The following CTNND2 variants were observed in gnomAD, a reference collection of about 807,000 sequenced individuals.
The protein encoded by CTNND2 is catenin delta 2, also known as catenin delta-2.
In CTNND2, 22 loss-of-function variants were observed where a neutral mutation model predicts 144.4. The observed-to-expected ratio is 0.15, with a 90% CI of 0.11 to 0.22. The LOEUF (loss-of-function observed/expected upper bound fraction) is 0.22, where lower values mean the gene tolerates loss of function less well. Ranked by LOEUF, CTNND2 falls within the 10% of genes least tolerant of loss-of-function variation. CTNND2 has a pLI of 1.00. For missense variants in CTNND2, 1,353 were observed against 1,618.8 expected (o/e 0.84, Z 2.82); for synonymous variants, 751 against 695.6 (o/e 1.08, Z -1.25).
At chr5:11,044,524 T>C (rs944210620) in intron 16 of CTNND2, among the ~76,000 whole-genome samples, 21 of 111,054 alleles carry the variant, frequency 1.9e-4, no homozygotes, top group Non-Finnish European at 3.7e-4. Flanking sequence ...AAACAACACA[T>C]GCTTGCAAAA....
chr5:11,216,057 C>CTGTT (rs1156553181), intron 10 of CTNND2, among the ~76,000 whole-genome samples: 8 of 152,158 alleles, frequency 5.3e-5, no homozygotes, highest in African/African-American at 1.9e-4. Flanking sequence ...GAATAATGCT[C>CTGTT]TGTTAAGTGG....
chr5:11,693,553 A>T (rs995724133), intron 2 of CTNND2, among the ~76,000 whole-genome samples: 5 of 152,246 alleles, frequency 3.3e-5, no homozygotes, highest in Non-Finnish European at 7.3e-5. Context: ...GCACACATAA[A>T]ATGCCTGGAA....
chr5:11,698,500 G>A (rs1463285355), intron 2 of CTNND2, among the ~76,000 whole-genome samples: 1 of 151,988 alleles, frequency 6.6e-6, no homozygotes, highest in African/African-American at 2.4e-5. Flanking sequence ...TGTTGGCCAG[G>A]ATGGTCTCGA....
intron 10 of CTNND2, among the ~76,000 whole-genome samples, chr5:11,224,802 A>G (rs1232319579): frequency 6.6e-6 from 1 of 152,138 alleles, no homozygotes; most frequent in Non-Finnish European, 1.5e-5. Flanking sequence ...TTTACTTCCT[A>G]ATTATGGATT....
At chr5:11,709,346 G>T (rs1785897857) in intron 2 of CTNND2, among the ~76,000 whole-genome samples, 1 of 152,130 alleles carries the variant, frequency 6.6e-6, no homozygotes, top group Non-Finnish European at 1.5e-5. Context: ...TTAACTCCAG[G>T]CCCAGCTACA....
chr5:11,058,191 C>T (rs760496091), intron 16 of CTNND2, among the ~76,000 whole-genome samples: 1 of 152,158 alleles, frequency 6.6e-6, no homozygotes, highest in Non-Finnish European at 1.5e-5. Context: ...AATGTTAATC[C>T]CCAAGACAAT....
chr5:11,671,059 T>G (rs974371250), intron 2 of CTNND2, among the ~76,000 whole-genome samples: 1 of 152,222 alleles, frequency 6.6e-6, no homozygotes, highest in African/African-American at 2.4e-5. Flanking sequence ...GCATATGAAA[T>G]TCTGGTTTGA....
chr5:11,583,373 A>C (rs78107603), intron 2 of CTNND2, among the ~76,000 whole-genome samples: 4,343 of 152,268 alleles, frequency 0.029, 198 homozygotes, highest in African/African-American at 0.095. Context: ...AACAGGCAGA[A>C]ATCTAGGAGG....
intron 15 of CTNND2, chr5:11,083,838 C>A: frequency 9.3e-7 from 1 of 1,070,072 alleles, no homozygotes; most frequent in Admixed American, 5.0e-5. Flanking sequence ...CACCTCCACC[C>A]CCCTTCCCCC....
intron 11 of CTNND2, among the ~76,000 whole-genome samples, chr5:11,183,484 C>A (rs1245268989): frequency 6.6e-6 from 1 of 151,922 alleles, no homozygotes; most frequent in Non-Finnish European, 1.5e-5. Flanking sequence ...CACTCTCCAG[C>A]TAGCGGGTAC....
At position 11,303,823 on chromosome 5, in the gene CTNND2, C is replaced by T. The variant is rs530709486; in HGVS notation, c.1628+42549G>A. Among the ~76,000 whole-genome samples the T allele has an allele frequency of 2.6e-5, 4 of 152,302 alleles. No homozygotes were observed. In the South Asian group the frequency reaches 8.3e-4, roughly 32 times the overall value. On this transcript the variant is annotated intron_variant, in intron 9 of 21. Coordinates refer to ENST00000304623, the MANE Select transcript of CTNND2 (RefSeq NM_001332.4). ...TTGATATGGTTTGGCTGTGTCCCCACCCAAATCTCATCTTGAATTGTAGCT... is the reference window on the plus strand; with the variant it reads ...TTGATATGGTTTGGCTGTGTCCCCATCCAAATCTCATCTTGAATTGTAGCT...
intron 1 of CTNND2, among the ~76,000 whole-genome samples, chr5:11,897,159 T>C (rs1737458923): frequency 6.6e-6 from 1 of 152,200 alleles, no homozygotes; most frequent in Non-Finnish European, 1.5e-5. Context: ...AGATGAGAGA[T>C]TGAACTGTGG....
intron 3 of CTNND2, among the ~76,000 whole-genome samples, chr5:11,512,428 CAA>C (rs1169270556): frequency 9.9e-5 from 15 of 152,226 alleles, no homozygotes; most frequent in African/African-American, 2.7e-4. Context: ...CAATTTCCCA[CAA>C]AGTGTCTTTG....
chr5:11,321,586 G>C (rs569586384), intron 9 of CTNND2, among the ~76,000 whole-genome samples: 1 of 152,304 alleles, frequency 6.6e-6, no homozygotes, highest in African/African-American at 2.4e-5. Context: ...TTAAAAATGT[G>C]AAGTAGGGAT....
intron 13 of CTNND2, among the ~76,000 whole-genome samples, chr5:11,111,713 A>G (rs1753003535): frequency 6.6e-6 from 1 of 152,318 alleles, no homozygotes; most frequent in African/African-American, 2.4e-5. Flanking sequence ...TGGACAATGC[A>G]CTTGACATCT....
At chr5:11,424,873 T>C (rs1762653851) in intron 3 of CTNND2, among the ~76,000 whole-genome samples, 1 of 152,144 alleles carries the variant, frequency 6.6e-6, no homozygotes, top group South Asian at 2.1e-4. Flanking sequence ...AAAGAAACCA[T>C]TGTTGACTTC....
chr5:11,331,336 T>TA (rs1192029221), intron 9 of CTNND2, among the ~76,000 whole-genome samples: 1 of 152,158 alleles, frequency 6.6e-6, no homozygotes, highest in East Asian at 1.9e-4. Flanking sequence ...TCCTCCTCAG[T>TA]ATGAGGGGAA....
intron 1 of CTNND2, among the ~76,000 whole-genome samples, chr5:11,840,321 T>C (rs1561848461): frequency 6.6e-6 from 1 of 152,220 alleles, no homozygotes; most frequent in Non-Finnish European, 1.5e-5. Flanking sequence ...CAAACATTAA[T>C]TGTTTACTAC....
At chr5:11,527,425 G>A (rs546032222) in intron 3 of CTNND2, among the ~76,000 whole-genome samples, 29 of 152,134 alleles carry the variant, frequency 1.9e-4, no homozygotes, top group African/African-American at 4.8e-4. Context: ...ACTGCATCCC[G>A]CACAAGGCCT....
Sources: gnomAD v4.1 joint callset for allele counts (sites outside exome capture counted in the v4.1 genomes callset) on GRCh38, gnomAD v4.1.1 for gene constraint, MANE v1.5 for transcripts, NCBI Gene and HGNC (gene_info 2026-07-23, HGNC 2026-07-21) for gene names.